FBXW8: variants seen among roughly 807,000 people sequenced by gnomAD.
The protein encoded by FBXW8 is F-box/WD repeat-containing protein 8.
In FBXW8, 57 loss-of-function variants were observed where a neutral mutation model predicts 65.3. The observed-to-expected ratio is 0.87, with a 90% CI of 0.71 to 1.09. The LOEUF (loss-of-function observed/expected upper bound fraction) is 1.09. Ranked by LOEUF, FBXW8 falls within the 50% of genes least tolerant of loss-of-function variation. The pLI is 0.00. For synonymous variants in FBXW8, 308 were observed against 330.2 expected (o/e 0.93, Z 0.73); for missense variants, 777 against 814.8 (o/e 0.95, Z 0.57).
Position 117,024,198 on chromosome 12 carries a change from C to T in FBXW8, c.1419C>T (p.Ala473=). The T allele has an allele frequency of 1.2e-6, 2 of 1,614,188 alleles. No individual in the cohort carries two copies. Among genetic ancestry groups the T allele is most frequent in the Non-Finnish European group, 1.7e-6 (2 of 1,180,044 alleles). ...GTAACATCGCCCTGTCGCTCTCCGC[C>T]CATCAGCTCAGGGTCTCTGCTGTGC... The part of the protein sequence containing the change: ...RSGNIALSLS[A]HQLRVSAVQM... Residue 473 remains alanine, a synonymous_variant, in exon 9 of 11, where the codon GCC becomes GCT. Coordinates refer to ENST00000652555, the MANE Select transcript of FBXW8 (RefSeq NM_153348.3).
chr12:116,964,765 CAG>C lies in FBXW8; in HGVS notation c.749_750del (p.Glu250GlyfsTer5), dbSNP rs1399379453. The stretch of plus-strand genomic sequence containing the variant: ...GACTACGTAGCCCCCTTCCTGGAAT[CAG>C]AGGACGAGGAGGATGAGCCTGGAAT... On this transcript the variant is annotated frameshift_variant, in exon 5 of 11. Coordinates refer to ENST00000652555, the MANE Select transcript of FBXW8 (RefSeq NM_153348.3). LOFTEE classifies it high-confidence loss of function. The C allele has an allele frequency of 1.9e-6, 3 of 1,613,452 alleles. No homozygotes were observed. The highest frequency in any genetic ancestry group is 3.3e-5 in the Admixed American group (2 of 59,996).
chr12:116,960,338 G>A (rs12815506), intron 4 of FBXW8, among the ~76,000 whole-genome samples: 10,614 of 152,256 alleles, frequency 0.07, 507 homozygotes, highest in Middle Eastern at 0.099. Context: ...AGAGCCCGCT[G>A]CTGAGTCATA....
chr12:116,985,516 T>G (rs1885618367), intron 6 of FBXW8, 114 bp downstream of exon 6: 1 of 1,014,232 alleles, frequency 9.9e-7, no homozygotes, highest in African/African-American at 1.6e-5. Context: ...CCTGCGGGCC[T>G]TACCTCCATA....
intron 7 of FBXW8, among the ~76,000 whole-genome samples, chr12:116,995,253 T>C (rs182848092): frequency 6.6e-6 from 1 of 152,340 alleles, no homozygotes; most frequent in African/African-American, 2.4e-5. Flanking sequence ...TGGGACCCAT[T>C]TGAGGAAGAG....
At chr12:116,922,805 T>C (rs1256828791) in intron 1 of FBXW8, among the ~76,000 whole-genome samples, 1 of 151,712 alleles carries the variant, frequency 6.6e-6, no homozygotes, top group Admixed American at 6.5e-5. Context: ...TGAGTGTGTG[T>C]GTGTGTGTTT....
At chr12:117,002,690 C>T (rs1425824036) in intron 7 of FBXW8, 1 of 152,176 alleles carries the variant, frequency 6.6e-6, no homozygotes, top group African/African-American at 2.4e-5. Context: ...TACATCATAT[C>T]GGAGTAAACT....
chr12:116,919,800 T>C (rs1049841038), intron 1 of FBXW8, among the ~76,000 whole-genome samples: 3 of 152,212 alleles, frequency 2.0e-5, no homozygotes, highest in Non-Finnish European at 2.9e-5. Context: ...GGTTAAGATA[T>C]GGAGTTTTAG....
chr12:116,939,446 G>A (rs1257021217), intron 2 of FBXW8, among the ~76,000 whole-genome samples: 1 of 152,194 alleles, frequency 6.6e-6, no homozygotes, highest in African/African-American at 2.4e-5. Flanking sequence ...TTTGTTTAAA[G>A]CAGTGTTTCC....
At chr12:116,991,899 A>G (rs1170361709) in intron 7 of FBXW8, among the ~76,000 whole-genome samples, 1 of 152,236 alleles carries the variant, frequency 6.6e-6, no homozygotes, top group Non-Finnish European at 1.5e-5. Context: ...ACACCGTATG[A>G]TGCCCACATT....
At chr12:117,023,823 C>G (rs899201112) in intron 8 of FBXW8, among the ~76,000 whole-genome samples, 1 of 152,242 alleles carries the variant, frequency 6.6e-6, no homozygotes, top group Non-Finnish European at 1.5e-5. Context: ...GGGCAGTACA[C>G]CTACTGCTGG....
At chr12:117,013,705 A>G (rs916887964) in intron 8 of FBXW8, among the ~76,000 whole-genome samples, 12 of 152,178 alleles carry the variant, frequency 7.9e-5, no homozygotes, top group African/African-American at 2.9e-4. Context: ...ACACAAAGTA[A>G]TGATGCTTCT....
Position 117,027,397 on chromosome 12 carries a change from C to T in FBXW8, c.1545C>T (p.His515=). The change falls in exon 10 of 11, where the codon CAC becomes CAT. Residue 515 remains histidine, a synonymous_variant. Coordinates refer to ENST00000652555, the MANE Select transcript of FBXW8 (RefSeq NM_153348.3). The part of the protein sequence containing the change: ...NQKLWEVYSG[H]PVQHISFSSH... The stretch of plus-strand genomic sequence containing the variant: ...GCTCTCTCCCACTGCCTTCCAGGCA[C>T]CCGGTGCAGCACATCTCATTCAGCA... The T allele has an allele frequency of 1.2e-6, 2 of 1,613,928 alleles. No homozygotes were observed. The highest frequency in any genetic ancestry group is 1.7e-6 in the Non-Finnish European group (2 of 1,179,958).
At chr12:117,021,126 C>T (rs1233995269) in intron 8 of FBXW8, among the ~76,000 whole-genome samples, 1 of 152,186 alleles carries the variant, frequency 6.6e-6, no homozygotes, top group Non-Finnish European at 1.5e-5. Flanking sequence ...CACAGTGCCT[C>T]GTAGGGCATG....
intron 8 of FBXW8, among the ~76,000 whole-genome samples, chr12:117,021,286 T>C (rs1475426430): frequency 3.3e-5 from 5 of 152,180 alleles, no homozygotes; most frequent in Non-Finnish European, 7.4e-5. Flanking sequence ...CTTTTTCTTA[T>C]CTTTTCTGTC....
At chr12:116,925,883 G>A (rs1881286257) in intron 1 of FBXW8, among the ~76,000 whole-genome samples, 1 of 152,140 alleles carries the variant, frequency 6.6e-6, no homozygotes, top group South Asian at 2.1e-4. Context: ...GTGGCTTGTT[G>A]GTAAGGTGAC....
chr12:116,941,144 G>C (rs1565905962), intron 2 of FBXW8, among the ~76,000 whole-genome samples: 1 of 152,222 alleles, frequency 6.6e-6, no homozygotes, highest in Non-Finnish European at 1.5e-5. Context: ...ACTGCCTGTT[G>C]TTAGATCAGA....
chr12:116,939,197 C>T (rs1565905151), intron 2 of FBXW8, among the ~76,000 whole-genome samples: 1 of 152,168 alleles, frequency 6.6e-6, no homozygotes, highest in Non-Finnish European at 1.5e-5. Flanking sequence ...CCAAAAATCC[C>T]AAATCCCAAA....
At chr12:116,919,640 G>A (rs7305313) in intron 1 of FBXW8, among the ~76,000 whole-genome samples, 10,515 of 152,224 alleles carry the variant, frequency 0.069, 967 homozygotes, top group African/African-American at 0.21. Context: ...TTGCCTTACT[G>A]TTCTAACTCC....
At chr12:116,951,072 G>A (rs555492762) in intron 4 of FBXW8, 12 of 152,300 alleles carry the variant, frequency 7.9e-5, no homozygotes, top group African/African-American at 2.4e-4. Flanking sequence ...GGCCCCCTAC[G>A]AGTCCAGATG....
Sources: gnomAD v4.1 joint callset for allele counts (sites outside exome capture counted in the v4.1 genomes callset) on GRCh38, gnomAD v4.1.1 for gene constraint, MANE v1.5 for transcripts, NCBI Gene and HGNC (gene_info 2026-07-23, HGNC 2026-07-21) for gene names.